Variants in SCTR observed in about 807,000 individuals in gnomAD.
The protein encoded by SCTR is pancreatic secretin receptor.
A neutral mutation model predicts 60.8 loss-of-function variants in SCTR; 56 were observed. That is an observed-to-expected ratio of 0.92 (90% CI 0.74 to 1.15). The LOEUF is 1.15. Ranked by LOEUF, SCTR falls within the 50% of genes most tolerant of loss-of-function variation. The probability of loss-of-function intolerance (pLI) is 0.00; values close to 1 mark genes in which losing one functional copy is unlikely to be tolerated. For synonymous variants in SCTR, 202 were observed against 217.0 expected (o/e 0.93, Z 0.61); for missense variants, 562 against 550.4 (o/e 1.02, Z -0.21).
chr2:119,517,369 A>C (rs1197558248), intron 1 of SCTR, among the ~76,000 whole-genome samples: 1 of 152,202 alleles, frequency 6.6e-6, no homozygotes, highest in East Asian at 1.9e-4. Context: ...TATGTTGCCC[A>C]GGCTGGTCTT....
chr2:119,512,740 G>C (rs1450434892), intron 1 of SCTR, among the ~76,000 whole-genome samples: 2 of 152,160 alleles, frequency 1.3e-5, no homozygotes, highest in Non-Finnish European at 2.9e-5. Flanking sequence ...ATTATCTGTA[G>C]AGTTTTTTTA....
rs1682599182 is a variant in SCTR at position 119,440,117 on chromosome 2, T to C, written c.1323A>G (p.Ter441TrpextTer89). ...SQGTCRTSII[*>W] ...CCGTGGGTGACCCTGCTCCAGCCTC[T>C]CAGATGATGCTGGTCCTGCAGGTGC... Residue 441 changes from the stop codon to tryptophan, a stop_lost, in exon 13 of 13, where the codon TGA (stop) becomes TGG (tryptophan). Transcript: ENST00000019103. 5 of 1,613,430 alleles carry C rather than the reference T, an allele frequency of 3.1e-6. No homozygotes were observed. The East Asian group carries it at 8.9e-5, about 29-fold the overall frequency.
chr2:119,494,746 G>A (rs1678281947), intron 1 of SCTR, among the ~76,000 whole-genome samples, 198 bp from the exon 2 acceptor site: 1 of 152,170 alleles, frequency 6.6e-6, no homozygotes, highest in African/African-American at 2.4e-5. Context: ...TGGGAAAGCT[G>A]GGATGTGCAA....
intron 4 of SCTR, among the ~76,000 whole-genome samples, chr2:119,468,697 C>T (rs1181531346): frequency 6.6e-6 from 1 of 152,204 alleles, no homozygotes; most frequent in East Asian, 1.9e-4. Context: ...CTCAGTTACA[C>T]TGATGGAGTG....
chr2:119,516,677 G>A (rs1009509839), intron 1 of SCTR, among the ~76,000 whole-genome samples: 1 of 152,076 alleles, frequency 6.6e-6, no homozygotes, highest in Non-Finnish European at 1.5e-5. Flanking sequence ...ATACTGTATC[G>A]GGCCGGGTGT....
In SCTR at chr2:119,465,804, A is replaced by G. The variant is rs1305446804; in HGVS notation, c.488T>C (p.Ile163Thr). Residue 163 changes from isoleucine (I) to threonine (T), a missense_variant, in exon 5 of 13, where the codon ATC (isoleucine) becomes ACC (threonine). By Grantham distance (89) the Ile-to-Thr change is moderately conservative. Transcript: ENST00000019103. ...SLVMLLVALG[I>T]LCAFRRLHCT... ...GTGTTCTCACCGGAAAGCACAGAGGATGCCAAGGGCGACCAGGAGCATGAC... is the reference window on the plus strand; with the variant it reads ...GTGTTCTCACCGGAAAGCACAGAGGGTGCCAAGGGCGACCAGGAGCATGAC... 1.9e-6 allele frequency: 3 copies of G among 1,613,022 alleles called. No individual in the cohort carries two copies. The East Asian group carries it at 6.7e-5, about 36-fold the overall frequency.
At position 119,447,927 on chromosome 2, in the gene SCTR, A is replaced by C. The variant is rs140877480; in HGVS notation, c.1013+762T>G. Among the ~76,000 whole-genome samples, 16 of 152,266 alleles carry C rather than the reference A, an allele frequency of 1.1e-4. 1 individual carries two copies. In the East Asian group the frequency reaches 2.9e-3, roughly 28 times the overall value. On this transcript the variant is annotated intron_variant, in intron 10 of 12. Coordinates refer to ENST00000019103, the MANE Select transcript of SCTR (RefSeq NM_002980.3). ...TGAATTATGTCCACACCCACTGCCA[A>C]ATTTTTACACTGAAGTCCTAGCCCC...
At chr2:119,520,290 C>T (rs945965411) in intron 1 of SCTR, among the ~76,000 whole-genome samples, 1 of 152,078 alleles carries the variant, frequency 6.6e-6, no homozygotes, top group Non-Finnish European at 1.5e-5. Flanking sequence ...CACTTGAGCC[C>T]AGGAGTTCAG....
At chr2:119,494,804 G>A (rs1000339759) in intron 1 of SCTR, among the ~76,000 whole-genome samples, 2 of 152,194 alleles carry the variant, frequency 1.3e-5, no homozygotes, top group African/African-American at 4.8e-5. Flanking sequence ...AGTTTATGAA[G>A]GCTCCTGAGC....
intron 12 of SCTR, 126 bp from the exon 13 acceptor site, chr2:119,440,383 G>T: frequency 1.9e-6 from 2 of 1,034,776 alleles, no homozygotes; most frequent in Non-Finnish European, 1.4e-6. Context: ...CCCCTAGCCT[G>T]CAGGCCACGC....
chr2:119,507,887 C>G (rs958115506), intron 1 of SCTR, among the ~76,000 whole-genome samples: 5 of 152,004 alleles, frequency 3.3e-5, no homozygotes, highest in African/African-American at 1.2e-4. Flanking sequence ...CCACATTGGC[C>G]AGGATGATCT....
At chr2:119,452,741 G>A (rs1683222117) in intron 8 of SCTR, among the ~76,000 whole-genome samples, 1 of 152,128 alleles carries the variant, frequency 6.6e-6, no homozygotes, top group Admixed American at 6.5e-5. Context: ...ATGCCCCTGA[G>A]AAATCAACTC....
chr2:119,451,708 G>A (rs1052109003), intron 9 of SCTR, among the ~76,000 whole-genome samples: 5 of 152,214 alleles, frequency 3.3e-5, no homozygotes, highest in African/African-American at 1.2e-4. Flanking sequence ...TGGAATTTCA[G>A]GCCAATGGGA....
chr2:119,440,043 C>G lies in SCTR; in HGVS notation c.*74G>C. On this transcript the variant is annotated 3_prime_UTR_variant, in exon 13 of 13. Transcript: ENST00000019103. ...ACAGGGTGTCTGCTGGGAAGACTGG[C>G]TGTCCCACAGCAGTGCCCAGCCTTC... 1 of 1,477,558 alleles carries G rather than the reference C, an allele frequency of 6.8e-7. No individual in the cohort carries two copies. Among genetic ancestry groups the G allele is most frequent in the Non-Finnish European group, 9.2e-7 (1 of 1,081,542 alleles). 91.5% of individuals were successfully genotyped at this position (1,477,558 alleles called of 1,614,324 possible). A position where few individuals can be genotyped will look rare whatever the true frequency, so the allele number is the denominator to read the frequency against.
At chr2:119,475,885 G>A (rs1025721524) in intron 3 of SCTR, among the ~76,000 whole-genome samples, 4 of 152,092 alleles carry the variant, frequency 2.6e-5, no homozygotes, top group African/African-American at 9.6e-5. Context: ...AGAGGGCCAA[G>A]GGGATGCCGC....
intron 7 of SCTR, among the ~76,000 whole-genome samples, chr2:119,460,673 A>G (rs1683567739): frequency 6.6e-6 from 1 of 152,200 alleles, no homozygotes; most frequent in Non-Finnish European, 1.5e-5. Flanking sequence ...CCTGGCACAT[A>G]GCAAGTGCCC....
At chr2:119,497,453 T>C (rs377216232) in intron 1 of SCTR, among the ~76,000 whole-genome samples, 1 of 152,138 alleles carries the variant, frequency 6.6e-6, no homozygotes, top group East Asian at 1.9e-4. Flanking sequence ...CCAGGAAGAT[T>C]TCAAACTGGA....
intron 1 of SCTR, among the ~76,000 whole-genome samples, chr2:119,508,547 C>T (rs1338002295): frequency 2.0e-5 from 3 of 151,776 alleles, no homozygotes; most frequent in Admixed American, 2.0e-4. Context: ...CCACCACACT[C>T]AGCTAATTTT....
chr2:119,442,092 G>T (rs570828052), intron 11 of SCTR, among the ~76,000 whole-genome samples: 2 of 152,212 alleles, frequency 1.3e-5, no homozygotes. Flanking sequence ...TACAGGTCCC[G>T]GCCAGCCAGT....
Sources: gnomAD v4.1 joint callset for allele counts (sites outside exome capture counted in the v4.1 genomes callset) on GRCh38, gnomAD v4.1.1 for gene constraint, MANE v1.5 for transcripts, NCBI Gene and HGNC (gene_info 2026-07-23, HGNC 2026-07-21) for gene names.